Variants in FAM83E observed in about 807,000 individuals in gnomAD.
FAM83E encodes the protein protein FAM83E.
FAM83E carries 29 observed loss-of-function variants against 34.3 expected under a neutral mutation model. That is an observed-to-expected ratio of 0.85 (90% CI 0.63 to 1.15). FAM83E has a LOEUF of 1.15. Among genes scored for constraint, FAM83E ranks in the 50% most tolerant of loss-of-function variants. The pLI is 0.00. For missense variants in FAM83E, 697 were observed against 685.0 expected (o/e 1.02, Z -0.20); for synonymous variants, 312 against 311.6 (o/e 1.00, Z -0.01).
At position 48,609,933 on chromosome 19, in the gene FAM83E, G is replaced by A; in HGVS notation, c.701C>T (p.Thr234Ile). ...QSRWRRQVSG[T>I]VREKFVLLDG... ...CAGCAGCACAAACTTCTCCCGCACG[G>A]TGCCGCTCACCTGCCGTCGCCAGCG... Residue 234 changes from threonine to isoleucine, a missense_variant, in exon 5 of 7, where the codon ACC (threonine) becomes ATC (isoleucine). Coordinates refer to ENST00000263266, the MANE Select transcript of FAM83E (RefSeq NM_017708.4). 6.2e-7 allele frequency: 1 copy of A among 1,613,052 alleles called. No homozygotes were observed. The highest frequency in any genetic ancestry group is 8.5e-7 in the Non-Finnish European group (1 of 1,180,002).
chr19:48,604,479 TG>T (rs1173184250), intron 5 of FAM83E, among the ~76,000 whole-genome samples: 5 of 151,224 alleles, frequency 3.3e-5, no homozygotes, highest in Admixed American at 6.6e-5. Flanking sequence ...TACAGGCACC[TG>T]CCGCCATGCC....
rs78687328 is a variant in FAM83E at position 48,614,151 on chromosome 19, C to G, written c.-779G>C. On this transcript the variant is annotated 5_prime_UTR_variant, in exon 3 of 7. Transcript: ENST00000263266. Reference sequence around the variant, plus strand: ...GAAGGCTTGGCAAACCCTTCCCTACCCTGTCAATGGGGGACCCTGCTCCCT... The same window carrying G: ...GAAGGCTTGGCAAACCCTTCCCTACGCTGTCAATGGGGGACCCTGCTCCCT... 2.0e-6 allele frequency: 2 copies of G among 985,832 alleles called. No individual in the cohort carries two copies. Among genetic ancestry groups the G allele is most frequent in the East Asian group, 2.3e-4 (2 of 8,820 alleles). The allele number at this position is 985,832 out of a possible 1,614,324, so 61.1% of individuals were successfully genotyped here. A position where few individuals can be genotyped will look rare whatever the true frequency, so the allele number is the denominator to read the frequency against.
chr19:48,613,958 T>C lies in FAM83E; in HGVS notation c.-586A>G. The C allele has an allele frequency of 1.0e-6, 1 of 985,408 alleles. No individual in the cohort carries two copies. The highest frequency in any genetic ancestry group is 1.2e-6 in the Non-Finnish European group (1 of 829,932). 61.0% of individuals were successfully genotyped at this position (985,408 alleles called of 1,614,324 possible). On this transcript the variant is annotated 5_prime_UTR_variant, in exon 3 of 7. Coordinates refer to ENST00000263266, the MANE Select transcript of FAM83E (RefSeq NM_017708.4). Reference sequence around the variant, plus strand: ...GAACTGACCCTCTCCTTCCACTGTCTGGCAAACGCCAATGGCTTCCGACTG... The same window carrying C: ...GAACTGACCCTCTCCTTCCACTGTCCGGCAAACGCCAATGGCTTCCGACTG...
Position 48,612,657 on chromosome 19 carries a change from C to T in FAM83E, c.465+251G>A, listed in dbSNP as rs536939333. On this transcript the variant is annotated intron_variant, in intron 3 of 6. Coordinates refer to ENST00000263266, the MANE Select transcript of FAM83E (RefSeq NM_017708.4). Reference sequence around the variant, plus strand: ...GACCTCGTGATCCGTCCACCTCGGCCTCCCAAAGTGCTGGAATTACAGGCG... The same window carrying T: ...GACCTCGTGATCCGTCCACCTCGGCTTCCCAAAGTGCTGGAATTACAGGCG... Among the ~76,000 whole-genome samples the T allele has an allele frequency of 2.6e-3, 365 of 138,492 alleles. 2 individuals are homozygous for T. The highest frequency in any genetic ancestry group is 9.7e-3 in the African/African-American group (358 of 37,010). The allele number at this position is 138,492 out of a possible 152,430, so 90.9% of individuals were successfully genotyped here. A position where few individuals can be genotyped will look rare whatever the true frequency, so the allele number is the denominator to read the frequency against.
rs58873477 is a variant in FAM83E at position 48,600,448 on chromosome 19, G to C, written c.*661C>G. On this transcript the variant is annotated 3_prime_UTR_variant, in exon 7 of 7. Coordinates refer to ENST00000263266, the MANE Select transcript of FAM83E (RefSeq NM_017708.4). ...CCTCCCGGGTTCAAGCAATTCTCCC[G>C]TCTCAGCCTCCTAAGTAGCTGGGAT... Among the ~76,000 whole-genome samples the C allele has an allele frequency of 6.6e-6, 1 of 151,652 alleles. No homozygotes were observed. Among genetic ancestry groups the C allele is most frequent in the Non-Finnish European group, 1.5e-5 (1 of 67,928 alleles).
Position 48,614,643 on chromosome 19 carries a change from A to G in FAM83E, c.-1255-16T>C. On this transcript the variant is annotated splice_polypyrimidine_tract_variant and intron_variant, in intron 2 of 6. Transcript: ENST00000263266. ...CAGCAGGGAGCTGCAAAGAGAAGAA[A>G]GGAGTCAAGGCAGGCCAGCCTCCCC... 1.0e-6 allele frequency: 1 copy of G among 983,726 alleles called. No individual in the cohort carries two copies. Among genetic ancestry groups the G allele is most frequent in the South Asian group, 4.7e-5 (1 of 21,238 alleles). 60.9% of individuals were successfully genotyped at this position (983,726 alleles called of 1,614,324 possible).
At chr19:48,610,886 A>C (rs1024544657) in intron 3 of FAM83E, 39 bp from the exon 4 acceptor site, 1 of 1,561,716 alleles carries the variant, frequency 6.4e-7, no homozygotes, top group East Asian at 2.4e-5. Flanking sequence ...TGTGAACGGA[A>C]GCTGGCTCAG....
chr19:48,612,394 C>T lies in FAM83E; in HGVS notation c.465+514G>A, dbSNP rs1022868574. ...CCAGGTCTTGGGGGAGGGTAGGGGC[C>T]CCCATTTCTTTCTTTTTTTTTTTTT... On this transcript the variant is annotated intron_variant, in intron 3 of 6. Coordinates refer to ENST00000263266, the MANE Select transcript of FAM83E (RefSeq NM_017708.4). Among the ~76,000 whole-genome samples the T allele has an allele frequency of 2.6e-5, 4 of 151,320 alleles. No individual in the cohort carries two copies. In the East Asian group the frequency reaches 7.8e-4, roughly 29 times the overall value.
In FAM83E at chr19:48,613,933, G is replaced by A. The variant is rs1423614153; in HGVS notation, c.-561C>T. ...GCCTGCCCCCGGCCAAGAGCACGACGAACTGACCCTCTCCTTCCACTGTCT... is the reference window on the plus strand; with the variant it reads ...GCCTGCCCCCGGCCAAGAGCACGACAAACTGACCCTCTCCTTCCACTGTCT... On this transcript the variant is annotated 5_prime_UTR_variant, in exon 3 of 7. Coordinates refer to ENST00000263266, the MANE Select transcript of FAM83E (RefSeq NM_017708.4). 15 of 985,052 alleles carry A rather than the reference G, an allele frequency of 1.5e-5. No homozygotes were observed. The highest frequency in any genetic ancestry group is 1.8e-5 in the African/African-American group (1 of 57,116). The allele number at this position is 985,052 out of a possible 1,614,324, so 61.0% of individuals were successfully genotyped here. A position where few individuals can be genotyped will look rare whatever the true frequency, so the allele number is the denominator to read the frequency against.
Position 48,601,236 on chromosome 19 carries a change from T to G in FAM83E, c.1310A>C (p.His437Pro). ...GGCTGGGGACAGATAGCGGAGGCGGTGGGCGGGGGGCAGGGGCAGGGCACC... is the reference window on the plus strand; with the variant it reads ...GGCTGGGGACAGATAGCGGAGGCGGGGGGCGGGGGGCAGGGGCAGGGCACC... ...WGGALPLPPA[H>P]RLRYLSPARR... Residue 437 changes from histidine to proline, a missense_variant, in exon 7 of 7, where the codon CAC (histidine) becomes CCC (proline). Physicochemically the swap from His to Pro is moderately conservative, Grantham distance 77. Coordinates refer to ENST00000263266, the MANE Select transcript of FAM83E (RefSeq NM_017708.4). 1.9e-6 allele frequency: 3 copies of G among 1,606,530 alleles called. No individual in the cohort carries two copies. Among genetic ancestry groups the G allele is most frequent in the South Asian group, 1.1e-5 (1 of 90,442 alleles).
chr19:48,608,308 C>T (rs1303906663), intron 5 of FAM83E, among the ~76,000 whole-genome samples: 1 of 151,402 alleles, frequency 6.6e-6, no homozygotes, highest in Admixed American at 6.6e-5. Flanking sequence ...AGATGGGGTC[C>T]TGCTATGTTG....
intron 6 of FAM83E, 43 bp downstream of exon 6, chr19:48,603,451 C>A: frequency 1.3e-6 from 2 of 1,485,428 alleles, no homozygotes; most frequent in Non-Finnish European, 8.9e-7. Context: ...AACGCCTTCC[C>A]CTTCCTGGGC....
In FAM83E at chr19:48,612,984, A is replaced by C. The variant is rs1309557877; in HGVS notation, c.389T>G (p.Leu130Arg). 6.9e-6 allele frequency: 11 copies of C among 1,603,480 alleles called. No homozygotes were observed. The highest frequency in any genetic ancestry group is 9.4e-6 in the Non-Finnish European group (11 of 1,176,158). ...SAWKGITRAQ[L>R]YTQPPGEGQP... ...ACCCTCTCCAGGAGGCTGGGTGTACAGCTGCGCCCGGGTGATGCCTTTCCA... is the reference window on the plus strand; with the variant it reads ...ACCCTCTCCAGGAGGCTGGGTGTACCGCTGCGCCCGGGTGATGCCTTTCCA... The change falls in exon 3 of 7, where the codon CTG becomes CGG. Residue 130 changes from leucine to arginine, a missense_variant. Transcript: ENST00000263266.
chr19:48,609,510 G>T (rs909316459), intron 5 of FAM83E, among the ~76,000 whole-genome samples: 19 of 152,046 alleles, frequency 1.2e-4, no homozygotes, highest in African/African-American at 4.6e-4. Flanking sequence ...TTACAGGCGT[G>T]AGCCACCATG....
In FAM83E at chr19:48,614,852, G is replaced by C. The variant is rs1974121571; in HGVS notation, c.-1387-13C>G. On this transcript the variant is annotated splice_polypyrimidine_tract_variant and intron_variant, in intron 1 of 6. Coordinates refer to ENST00000263266, the MANE Select transcript of FAM83E (RefSeq NM_017708.4). Reference sequence around the variant, plus strand: ...ATCAGGCCTCGACCTGGAATCCAGGGAGCCCGGCCCCTTGTGTAAACACAG... The same window carrying C: ...ATCAGGCCTCGACCTGGAATCCAGGCAGCCCGGCCCCTTGTGTAAACACAG... The C allele has an allele frequency of 1.0e-6, 1 of 964,564 alleles. No individual in the cohort carries two copies. Among genetic ancestry groups the C allele is most frequent in the Non-Finnish European group, 1.2e-6 (1 of 810,812 alleles). 59.8% of individuals were successfully genotyped at this position (964,564 alleles called of 1,614,324 possible). A position where few individuals can be genotyped will look rare whatever the true frequency, so the allele number is the denominator to read the frequency against.
At chr19:48,605,846 C>G (rs562023094) in intron 5 of FAM83E, among the ~76,000 whole-genome samples, 1 of 151,844 alleles carries the variant, frequency 6.6e-6, no homozygotes, top group Non-Finnish European at 1.5e-5. Context: ...CCACTGCGCC[C>G]GGCCAATTTT....
intron 6 of FAM83E, among the ~76,000 whole-genome samples, chr19:48,602,894 C>CAGGCTAGA (rs1404914452): frequency 4.0e-4 from 58 of 146,292 alleles, no homozygotes; most frequent in East Asian, 6.0e-4. Context: ...CTCTGTCACC[C>CAGGCTAGA]AGGCTAGAGT....
chr19:48,606,294 G>C (rs947562749), intron 5 of FAM83E, among the ~76,000 whole-genome samples: 5 of 152,188 alleles, frequency 3.3e-5, no homozygotes, highest in Non-Finnish European at 7.3e-5. Flanking sequence ...CTGGGTGACA[G>C]AGTGAGAGAC....
Position 48,614,383 on chromosome 19 carries a change from C to T in FAM83E, c.-1011G>A, listed in dbSNP as rs1228176424. The T allele has an allele frequency of 4.1e-6, 4 of 985,214 alleles. No homozygotes were observed. Among genetic ancestry groups the T allele is most frequent in the Non-Finnish European group, 3.6e-6 (3 of 829,990 alleles). 61.0% of individuals were successfully genotyped at this position (985,214 alleles called of 1,614,324 possible). On this transcript the variant is annotated 5_prime_UTR_variant, in exon 3 of 7. Coordinates refer to ENST00000263266, the MANE Select transcript of FAM83E (RefSeq NM_017708.4). Reference sequence around the variant, plus strand: ...GGCCGTCCTCTGATCTGCGGGGAGCCCTACCCAAGCTGCCCCCAGCCTGGT... The same window carrying T: ...GGCCGTCCTCTGATCTGCGGGGAGCTCTACCCAAGCTGCCCCCAGCCTGGT...
Sources: gnomAD v4.1 joint callset for allele counts (sites outside exome capture counted in the v4.1 genomes callset) on GRCh38, gnomAD v4.1.1 for gene constraint, MANE v1.5 for transcripts, NCBI Gene and HGNC (gene_info 2026-07-23, HGNC 2026-07-21) for gene names.